MATR3: variants seen among roughly 807,000 people sequenced by gnomAD.
MATR3 encodes the protein matrin-3.
MATR3 carries 4 observed loss-of-function variants against 85.5 expected under a neutral mutation model. The observed-to-expected ratio is 0.05, with a 90% CI of 0.02 to 0.11. The LOEUF (loss-of-function observed/expected upper bound fraction) is 0.11. MATR3 is among the 10% of genes least tolerant of loss of function. The pLI is 1.00. For missense variants in MATR3, 685 were observed against 1,016.1 expected (o/e 0.67, Z 4.43); for synonymous variants, 336 against 343.1 (o/e 0.98, Z 0.23).
intron 3 of MATR3, among the ~76,000 whole-genome samples, chr5:139,281,489 C>T (rs969341811): frequency 1.3e-5 from 2 of 151,528 alleles, no homozygotes. Context: ...ACTATAGTCA[C>T]ACGCCACCAC....
upstream of MATR3, among the ~76,000 whole-genome samples, chr5:139,289,926 T>C (rs1186452488): frequency 1.3e-5 from 2 of 152,236 alleles, no homozygotes; most frequent in African/African-American, 2.4e-5. Flanking sequence ...CTAAATCTTG[T>C]AGATGTCATT....
intron 1 of MATR3, among the ~76,000 whole-genome samples, chr5:139,295,215 G>T (rs1320258685): frequency 6.6e-6 from 1 of 152,080 alleles, no homozygotes; most frequent in Admixed American, 6.6e-5. Flanking sequence ...GCAGTCTATC[G>T]ACGTTTTTCA....
intron 2 of MATR3, chr5:139,278,904 C>T: frequency 1.9e-6 from 1 of 517,274 alleles, no homozygotes; most frequent in Non-Finnish European, 3.8e-6. Context: ...TAGCTGAGTA[C>T]CTTTGGGCAG....
At chr5:139,321,776 C>T in intron 9 of MATR3, 122 bp from the exon 10 acceptor site, 1 of 937,418 alleles carries the variant, frequency 1.1e-6, no homozygotes, top group Non-Finnish European at 1.6e-6. Flanking sequence ...CAGTGAGACC[C>T]TGTCTCAAAA....
At chr5:139,290,437 TC>T (rs1753835250), upstream of MATR3, among the ~76,000 whole-genome samples, 1 of 119,046 alleles carries the variant, frequency 8.4e-6, no homozygotes, top group African/African-American at 3.2e-5. Flanking sequence ...GCCTGGCCGC[TC>T]TTTTTTTTTT....
At chr5:139,294,056 G>A (rs1013691605) in intron 1 of MATR3, 2 of 1,253,314 alleles carry the variant, frequency 1.6e-6, no homozygotes, top group African/African-American at 1.5e-5. Context: ...GAAACACGCG[G>A]CCGGCCAAGG....
At chr5:139,315,508 G>A (rs1390189016) in intron 3 of MATR3, 189 bp from the exon 4 acceptor site, 3 of 538,810 alleles carry the variant, frequency 5.6e-6, no homozygotes, top group East Asian at 3.1e-5. Context: ...GTTTATTCTC[G>A]TGGATTATTT....
chr5:139,318,798 A>G lies in MATR3; in HGVS notation c.1309-110A>G, dbSNP rs1477619739. On this transcript the variant is annotated intron_variant, in intron 7 of 14. Transcript: ENST00000394805. ...AGTATTTTCTACTTAATGATTAAAT[A>G]TATCTGAAAAGATTTGGGGCATTGT... 7 of 985,464 alleles carry G rather than the reference A, an allele frequency of 7.1e-6. No individual in the cohort carries two copies. In the East Asian group the frequency reaches 7.7e-5, roughly 11 times the overall value. 61.0% of individuals were successfully genotyped at this position (985,464 alleles called of 1,614,324 possible).
chr5:139,281,192 T>G (rs954024369), intron 3 of MATR3, among the ~76,000 whole-genome samples: 1 of 151,158 alleles, frequency 6.6e-6, no homozygotes, highest in Middle Eastern at 3.2e-3. Flanking sequence ...TAGTTATTTG[T>G]TTTTTTTAGA....
At chr5:139,283,891 A>G (rs1054965823) in intron 3 of MATR3, among the ~76,000 whole-genome samples, 1 of 152,078 alleles carries the variant, frequency 6.6e-6, no homozygotes, top group Non-Finnish European at 1.5e-5. Flanking sequence ...TTCTCATTCC[A>G]TCTTGACATT....
chr5:139,277,395 T>A (rs896798558), intron 2 of MATR3, among the ~76,000 whole-genome samples: 1 of 152,060 alleles, frequency 6.6e-6, no homozygotes, highest in Non-Finnish European at 1.5e-5. Flanking sequence ...GGGGAGGATG[T>A]TGGGGGGCAG....
upstream of MATR3, among the ~76,000 whole-genome samples, chr5:139,290,117 C>T (rs1056391569): frequency 1.3e-5 from 2 of 152,018 alleles, no homozygotes; most frequent in Non-Finnish European, 2.9e-5. Flanking sequence ...CTTTGCTATA[C>T]TTGATTAAAG....
chr5:139,290,438 C>CTTTTTTTTTTTT (rs762364450), upstream of MATR3, among the ~76,000 whole-genome samples: 2,134 of 44,930 alleles, frequency 0.047, 678 homozygotes, highest in East Asian at 0.14. Context: ...CCTGGCCGCT[C>CTTTTTTTTTTTT]TTTTTTTTTT....
At chr5:139,283,559 G>T (rs1177594676) in intron 3 of MATR3, 1 of 152,244 alleles carries the variant, frequency 6.6e-6, no homozygotes, top group Non-Finnish European at 1.5e-5. Context: ...CCAGACACTT[G>T]ACCTCCTTCT....
At chr5:139,293,943 C>T in intron 1 of MATR3, 138 bp downstream of exon 1, 1 of 1,211,592 alleles carries the variant, frequency 8.3e-7, no homozygotes, top group Non-Finnish European at 1.0e-6. Context: ...CTGCCTCCCT[C>T]CGCGTTGCGT....
At chr5:139,300,548 A>G (rs1034195894) in intron 1 of MATR3, among the ~76,000 whole-genome samples, 1 of 152,212 alleles carries the variant, frequency 6.6e-6, no homozygotes, top group Non-Finnish European at 1.5e-5. Context: ...ATCTAAAAAT[A>G]AAGAAAAATA....
At chr5:139,319,176 A>C in intron 8 of MATR3, 143 bp downstream of exon 8, 1 of 1,247,426 alleles carries the variant, frequency 8.0e-7, no homozygotes, top group Non-Finnish European at 1.2e-6. Context: ...CCAAGGTCAG[A>C]AGGATTATGT....
chr5:139,275,455 G>A (rs1741103649), intron 1 of MATR3, among the ~76,000 whole-genome samples: 1 of 151,976 alleles, frequency 6.6e-6, no homozygotes, highest in Admixed American at 6.6e-5. Context: ...TGTTCCCACT[G>A]TTCACTGCCC....
At chr5:139,301,182 T>C (rs1272425799) in intron 1 of MATR3, among the ~76,000 whole-genome samples, 2 of 152,164 alleles carry the variant, frequency 1.3e-5, no homozygotes, top group African/African-American at 4.8e-5. Flanking sequence ...CCTTTTTGGC[T>C]CAAGGTCACA....
Sources: gnomAD v4.1 joint callset for allele counts (sites outside exome capture counted in the v4.1 genomes callset) on GRCh38, gnomAD v4.1.1 for gene constraint, MANE v1.5 for transcripts, NCBI Gene and HGNC (gene_info 2026-07-23, HGNC 2026-07-21) for gene names.